Variants in TENM3 observed in about 807,000 individuals in gnomAD.
TENM3 encodes the protein teneurin-3.
Under a neutral mutation model 255.1 loss-of-function variants are expected in TENM3, and 63 were observed. The observed-to-expected ratio is 0.25, with a 90% CI of 0.20 to 0.30. TENM3 has a LOEUF of 0.30. Ranked by LOEUF, TENM3 falls within the 10% of genes least tolerant of loss-of-function variation. The pLI, the probability that TENM3 is intolerant of heterozygous loss-of-function variation, is 1.00. For synonymous variants in TENM3, 1,306 were observed against 1,322.3 expected, an observed-to-expected ratio of 0.99 and a Z score of 0.27; for missense variants, 2,929 against 3,461.1, an observed-to-expected ratio of 0.85 and a Z score of 3.86.
chr4:181,900,745 C>CT, the TENM3 span, among the ~76,000 whole-genome samples: 8 of 152,222 alleles, frequency 5.3e-5, no homozygotes, highest in Non-Finnish European at 7.3e-5. Flanking sequence ...TCTTTCTCCT[C>CT]CGTGATTTCA....
chr4:181,766,213 C>A, the TENM3 span, among the ~76,000 whole-genome samples: 1 of 152,100 alleles, frequency 6.6e-6, no homozygotes, highest in African/African-American at 2.4e-5. Context: ...AACTGGGATC[C>A]AAGTCTCTCC....
At chr4:182,784,335 T>A (rs1765436606) in intron 24 of TENM3, among the ~76,000 whole-genome samples, 1 of 151,766 alleles carries the variant, frequency 6.6e-6, no homozygotes, top group South Asian at 2.1e-4. Context: ...AGTGTGCCCC[T>A]GCTGGGGGGT....
chr4:182,153,580 A>G (rs1750489064), intron 1 of TENM3, among the ~76,000 whole-genome samples: 1 of 152,124 alleles, frequency 6.6e-6, no homozygotes, highest in Admixed American at 6.5e-5. Flanking sequence ...GAGCCTTCAA[A>G]TCTAGTTCTA....
chr4:182,522,375 C>T (rs1394393696), intron 3 of TENM3, among the ~76,000 whole-genome samples: 3 of 152,162 alleles, frequency 2.0e-5, no homozygotes, highest in Non-Finnish European at 2.9e-5. Flanking sequence ...AACTGCCATT[C>T]TCCCCTCTAC....
In TENM3 at chr4:182,801,545, C is replaced by T. The variant is rs1315689244; in HGVS notation, c.*1194C>T. ...GGTTTTTACTGTTACTGTTCCAAAG[C>T]TCTGTCTCTTGATGGAGGAGAGACC... On this transcript the variant is annotated 3_prime_UTR_variant, in exon 28 of 28. Coordinates refer to ENST00000511685, the MANE Select transcript of TENM3 (RefSeq NM_001080477.4). 1 of 152,244 alleles carries T rather than the reference C, an allele frequency of 6.6e-6. No homozygotes were observed. Among genetic ancestry groups the T allele is most frequent in the African/African-American group, 2.4e-5 (1 of 41,460 alleles). 9.4% of individuals were successfully genotyped at this position (152,244 alleles called of 1,614,324 possible). A position where few individuals can be genotyped will look rare whatever the true frequency, so the allele number is the denominator to read the frequency against.
the TENM3 span, among the ~76,000 whole-genome samples, chr4:181,857,551 C>CA: frequency 2.9e-3 from 301 of 104,762 alleles, 10 homozygotes; most frequent in African/African-American, 0.013. Flanking sequence ...CCTGTCTCTA[C>CA]AAAAAAAAAA....
chr4:182,093,914 A>G, the TENM3 span, among the ~76,000 whole-genome samples: 3 of 152,332 alleles, frequency 2.0e-5, no homozygotes, highest in African/African-American at 7.2e-5. Flanking sequence ...GTCAAAGAAA[A>G]TGTTTTAATA....
intron 1 of TENM3, among the ~76,000 whole-genome samples, chr4:182,184,637 T>C (rs2149755609): frequency 6.6e-6 from 1 of 152,272 alleles, no homozygotes; most frequent in South Asian, 2.1e-4. Context: ...CTATGATTTG[T>C]CATATAGGAC....
the TENM3 span, among the ~76,000 whole-genome samples, chr4:181,771,395 T>C: frequency 6.6e-6 from 1 of 152,216 alleles, no homozygotes; most frequent in African/African-American, 2.4e-5. Flanking sequence ...TACTTTGGAC[T>C]GTATCCTCTA....
chr4:182,393,483 A>C (rs984957926), intron 3 of TENM3, among the ~76,000 whole-genome samples: 1 of 152,210 alleles, frequency 6.6e-6, no homozygotes, highest in Non-Finnish European at 1.5e-5. Flanking sequence ...TATAATCAAA[A>C]TATAGAAATA....
the TENM3 span, among the ~76,000 whole-genome samples, chr4:181,650,892 A>T: frequency 6.6e-6 from 1 of 152,216 alleles, no homozygotes; most frequent in African/African-American, 2.4e-5. Context: ...TCCTGTTCGA[A>T]TTAAAATGTA....
chr4:182,337,404 C>G (rs1327990046), intron 2 of TENM3, among the ~76,000 whole-genome samples: 2 of 152,090 alleles, frequency 1.3e-5, no homozygotes, highest in African/African-American at 4.8e-5. Flanking sequence ...AGAAACATCA[C>G]AGAAAAGAGA....
At chr4:181,798,026 T>A in the TENM3 span, among the ~76,000 whole-genome samples, 1 of 152,194 alleles carries the variant, frequency 6.6e-6, no homozygotes, top group Non-Finnish European at 1.5e-5. Context: ...TCATTATTTA[T>A]TCTCTTTCTT....
At chr4:181,605,546 GA>G in the TENM3 span, among the ~76,000 whole-genome samples, 2 of 27,290 alleles carry the variant, frequency 7.3e-5, no homozygotes, top group Admixed American at 5.1e-4. Context: ...AAGAAAGAAA[GA>G]AAGAAAGAAA....
At chr4:181,665,476 T>C in the TENM3 span, among the ~76,000 whole-genome samples, 1 of 152,224 alleles carries the variant, frequency 6.6e-6, no homozygotes, top group Admixed American at 6.5e-5. Context: ...ATATTGTACG[T>C]GTACATATAC....
intron 3 of TENM3, among the ~76,000 whole-genome samples, chr4:182,403,644 A>T (rs1769355231): frequency 1.3e-5 from 2 of 152,210 alleles, no homozygotes; most frequent in Admixed American, 6.5e-5. Flanking sequence ...TAAAAGAAGC[A>T]CATTCTTACC....
At chr4:181,821,219 G>A in the TENM3 span, among the ~76,000 whole-genome samples, 12 of 152,164 alleles carry the variant, frequency 7.9e-5, no homozygotes, top group African/African-American at 2.2e-4. Flanking sequence ...TTTCCTCACC[G>A]CATCTCAGTC....
Position 182,148,326 on chromosome 4 carries a change from A to G in TENM3, c.-76+3572A>G, listed in dbSNP as rs1015991745. On this transcript the variant is annotated intron_variant, in intron 1 of 2. Coordinates refer to the TENM3 transcript ENST00000512480. ...CATCTTGAAAAGTCATTTGTTTCCA[A>G]ACGAGTGTGATGGCTTGTATGAGTT... Among the ~76,000 whole-genome samples the G allele has an allele frequency of 2.0e-5, 3 of 152,130 alleles. No homozygotes were observed. In the South Asian group the frequency reaches 6.2e-4, roughly 32 times the overall value.
intron 25 of TENM3, among the ~76,000 whole-genome samples, chr4:182,790,801 A>G (rs1278990242): frequency 6.6e-6 from 1 of 152,210 alleles, no homozygotes; most frequent in African/African-American, 2.4e-5. Flanking sequence ...CACAACCCTT[A>G]AAATGTATAG....
Sources: allele counts gnomAD v4.1 joint callset (sites outside exome capture counted in the v4.1 genomes callset), GRCh38; gene constraint gnomAD v4.1.1; transcripts MANE v1.5; gene names NCBI Gene and HGNC (gene_info 2026-07-23, HGNC 2026-07-21).